The following TMEFF1 variants were observed in gnomAD, a reference collection of about 807,000 sequenced individuals.
The protein encoded by TMEFF1 is tomoregulin-1.
A neutral mutation model predicts 47.5 loss-of-function variants in TMEFF1; 20 were observed. That is an observed-to-expected ratio of 0.42 (90% confidence interval 0.30 to 0.61). The LOEUF (loss-of-function observed/expected upper bound fraction) is 0.61, where lower values mean the gene tolerates loss of function less well. TMEFF1 is among the 20% of genes least tolerant of loss of function. TMEFF1 has a pLI of 0.19. For synonymous variants in TMEFF1, 162 were observed against 166.3 expected (o/e 0.97, Z 0.20); for missense variants, 411 against 471.1 (o/e 0.87, Z 1.18).
At chr9:100,503,964 T>C (rs1469011999) in intron 2 of TMEFF1, among the ~76,000 whole-genome samples, 1 of 152,212 alleles carries the variant, frequency 6.6e-6, no homozygotes. Context: ...AACCTTGTTA[T>C]TATTTTCTAC....
At chr9:100,499,943 T>G (rs1377307577) in intron 2 of TMEFF1, among the ~76,000 whole-genome samples, 2 of 152,148 alleles carry the variant, frequency 1.3e-5, no homozygotes, top group Non-Finnish European at 2.9e-5. Context: ...TACATTCAAT[T>G]ACGTAGAATG....
chr9:100,523,744 G>C (rs541201233), intron 5 of TMEFF1, among the ~76,000 whole-genome samples: 1 of 152,300 alleles, frequency 6.6e-6, no homozygotes, highest in East Asian at 1.9e-4. Context: ...GGAAGCAAAA[G>C]TGTGGATGTT....
chr9:100,491,915 C>G (rs1837558983), intron 1 of TMEFF1, among the ~76,000 whole-genome samples: 1 of 146,312 alleles, frequency 6.8e-6, no homozygotes, highest in Admixed American at 6.9e-5. Flanking sequence ...GAGTCTCGCT[C>G]TGTAGCCCAG....
chr9:100,561,528 A>G lies in TMEFF1; in HGVS notation c.899+8A>G, dbSNP rs760320260. ...TCAGAAGGCTTCTTGTAGGTAAGTCAGCGCTTCCAGATCAGTGGTGAGCAT... is the reference window on the plus strand; with the variant it reads ...TCAGAAGGCTTCTTGTAGGTAAGTCGGCGCTTCCAGATCAGTGGTGAGCAT... On this transcript the variant is annotated splice_region_variant and intron_variant, in intron 8 of 9. Transcript: ENST00000374879. 2 of 1,610,154 alleles carry G rather than the reference A, an allele frequency of 1.2e-6. No homozygotes were observed. The highest frequency in any genetic ancestry group is 2.2e-5 in the South Asian group (2 of 90,136).
At chr9:100,542,440 T>G (rs1838650670) in intron 5 of TMEFF1, among the ~76,000 whole-genome samples, 1 of 152,232 alleles carries the variant, frequency 6.6e-6, no homozygotes, top group Admixed American at 6.5e-5. Context: ...CCTTTAGAAT[T>G]TCCTTTACTG....
intron 5 of TMEFF1, among the ~76,000 whole-genome samples, chr9:100,533,193 C>G (rs1188361318): frequency 1.3e-5 from 2 of 151,768 alleles, no homozygotes; most frequent in African/African-American, 2.4e-5. Flanking sequence ...ACATATGCAA[C>G]TAACCTGCAC....
chr9:100,548,353 T>C lies in TMEFF1; in HGVS notation c.709+461T>C, dbSNP rs1838774900. On this transcript the variant is annotated intron_variant, in intron 6 of 9. Transcript: ENST00000374879. The stretch of plus-strand genomic sequence containing the variant: ...TACATATTATGTATGATACAGATTT[T>C]GGTGTGAAGTTAGAGAATGTAAGGA... Among the ~76,000 whole-genome samples the C allele has an allele frequency of 2.6e-5, 4 of 152,246 alleles. No homozygotes were observed. The South Asian group carries it at 8.3e-4, about 31-fold the overall frequency.
intron 8 of TMEFF1, among the ~76,000 whole-genome samples, chr9:100,569,195 C>A (rs893826987): frequency 1.3e-5 from 2 of 152,146 alleles, no homozygotes; most frequent in Non-Finnish European, 2.9e-5. Context: ...CCCTACAGTA[C>A]CTTTGACAAC....
intron 1 of TMEFF1, among the ~76,000 whole-genome samples, chr9:100,492,214 T>C (rs2118290820): frequency 6.6e-6 from 1 of 152,318 alleles, no homozygotes; most frequent in Middle Eastern, 3.4e-3. Context: ...ACTTGTATAA[T>C]GCATTGATAA....
At chr9:100,474,433 A>G (rs1249833955) in intron 1 of TMEFF1, among the ~76,000 whole-genome samples, 1 of 151,912 alleles carries the variant, frequency 6.6e-6, no homozygotes, top group Non-Finnish European at 1.5e-5. Context: ...CCCAGGGCCC[A>G]GGAAGTGACC....
chr9:100,532,560 A>G (rs1838408152), intron 5 of TMEFF1, among the ~76,000 whole-genome samples: 1 of 152,076 alleles, frequency 6.6e-6, no homozygotes, highest in Admixed American at 6.5e-5. Flanking sequence ...ACTAGTTAGA[A>G]TGGCGATCAT....
chr9:100,550,284 C>T, intron 7 of TMEFF1, 124 bp downstream of exon 7: 1 of 813,744 alleles, frequency 1.2e-6, no homozygotes, highest in Admixed American at 3.6e-5. Context: ...ATATACCTAA[C>T]ACAGTTAATT....
At chr9:100,556,218 A>G (rs914876477) in intron 7 of TMEFF1, among the ~76,000 whole-genome samples, 12 of 152,208 alleles carry the variant, frequency 7.9e-5, no homozygotes, top group Non-Finnish European at 1.8e-4. Context: ...TGGAACTACC[A>G]TAGTGCCTGG....
At chr9:100,485,723 A>T (rs527642434) in intron 1 of TMEFF1, among the ~76,000 whole-genome samples, 2 of 152,124 alleles carry the variant, frequency 1.3e-5, no homozygotes, top group Non-Finnish European at 2.9e-5. Flanking sequence ...TTCTTTATTC[A>T]TATAATTCTA....
At chr9:100,535,757 G>A (rs1478927861) in intron 5 of TMEFF1, among the ~76,000 whole-genome samples, 3 of 152,250 alleles carry the variant, frequency 2.0e-5, no homozygotes, top group African/African-American at 2.4e-5. Context: ...GAGTGAGACC[G>A]TATCTCAAAA....
At chr9:100,575,746 GCA>G (rs1839340431) in intron 9 of TMEFF1, among the ~76,000 whole-genome samples, 1 of 151,926 alleles carries the variant, frequency 6.6e-6, no homozygotes, top group Non-Finnish European at 1.5e-5. Context: ...AATTGAGGTT[GCA>G]CAGTTAGTTA....
intron 1 of TMEFF1, among the ~76,000 whole-genome samples, chr9:100,493,578 G>A (rs1046586214): frequency 2.0e-5 from 3 of 152,176 alleles, no homozygotes; most frequent in African/African-American, 7.2e-5. Flanking sequence ...GAATTGTGGG[G>A]CAGATTTGCA....
rs1837913397 is a variant in TMEFF1, at chr9:100,509,010, T to C, written c.312T>C (p.His104=). The part of the protein sequence containing the change: ...GLKCACQFQC[H]TNYIPVCGSN... ...TATTTTTGTTGCTTTTGCAGTGCCA[T>C]ACAAATTATATTCCTGTCTGTGGAT... Residue 104 remains histidine (H), a synonymous_variant, in exon 3 of 10, where the codon CAT becomes CAC. Coordinates refer to ENST00000374879, the MANE Select transcript of TMEFF1 (RefSeq NM_003692.5). 4 of 1,585,602 alleles carry C rather than the reference T, an allele frequency of 2.5e-6. No homozygotes were observed. The highest frequency in any genetic ancestry group is 3.4e-6 in the Non-Finnish European group (4 of 1,170,666).
In TMEFF1 at chr9:100,473,593, C is replaced by A; in HGVS notation, c.49C>A (p.Pro17Thr). 1 of 1,553,448 alleles carries A rather than the reference C, an allele frequency of 6.4e-7. No individual in the cohort carries two copies. The highest frequency in any genetic ancestry group is 8.7e-7 in the Non-Finnish European group (1 of 1,151,188). Residue 17 changes from proline (P) to threonine (T), a missense_variant, in exon 1 of 10, where the codon CCG becomes ACG. By Grantham distance (38) the Pro-to-Thr change is conservative (BLOSUM62 -1). Transcript: ENST00000374879. This position sits in a 1 kb window ranked among gnomAD's most constrained non-coding sequence, Gnocchi z 5.4. ...EAPLRLPAAP[P>T]LAFCCYTSVL... ...GCCGCTCCGGCTGCCTGCCGCGCCT[C>A]CGCTCGCCTTCTGCTGCTACACGTC... is the stretch of plus-strand genomic sequence containing the variant.
Sources: gnomAD v4.1 joint callset for allele counts (sites outside exome capture counted in the v4.1 genomes callset) on GRCh38, gnomAD v4.1.1 for gene constraint, Gnocchi (gnomAD v3.1) non-coding constraint, MANE v1.5 for transcripts, NCBI Gene and HGNC (gene_info 2026-07-23, HGNC 2026-07-21) for gene names.